Variants in KALRN observed in about 807,000 individuals in gnomAD.
The protein encoded by KALRN is kalirin.
Under a neutral mutation model 353.7 loss-of-function variants are expected in KALRN, and 70 were observed. The ratio of observed to expected loss-of-function variants is 0.20; its 90% CI spans 0.16 to 0.24. KALRN has a LOEUF of 0.24. Among genes scored for constraint, KALRN ranks in the 10% least tolerant of loss-of-function variants. The pLI is 1.00. For synonymous variants in KALRN, 1,391 were observed against 1,434.8 expected (o/e 0.97, Z 0.69); for missense variants, 2,791 against 3,756.7 (o/e 0.74, Z 6.72).
At chr3:124,283,914 A>G (rs2075587403) in intron 5 of KALRN, among the ~76,000 whole-genome samples, 1 of 152,198 alleles carries the variant, frequency 6.6e-6, no homozygotes, top group African/African-American at 2.4e-5. Context: ...TCTTGTCTGA[A>G]CCCAGAGGAA....
intron 10 of KALRN, among the ~76,000 whole-genome samples, chr3:124,350,512 C>T (rs1276906335): frequency 6.6e-6 from 1 of 152,302 alleles, no homozygotes; most frequent in East Asian, 1.9e-4. Context: ...ATTCCACAGT[C>T]ATGTTCTTAT....
At chr3:124,547,867 A>T (rs954913206) in intron 33 of KALRN, among the ~76,000 whole-genome samples, 1 of 151,358 alleles carries the variant, frequency 6.6e-6, no homozygotes, top group Non-Finnish European at 1.5e-5. Context: ...ACTACCGACC[A>T]TCTCCATAGC....
intron 25 of KALRN, among the ~76,000 whole-genome samples, chr3:124,474,441 AGAG>A (rs1180981988): frequency 3.3e-5 from 3 of 89,690 alleles, no homozygotes; most frequent in African/African-American, 2.1e-4. Flanking sequence ...GTTCACTCCG[AGAG>A]AAAGAATATT....
At chr3:124,136,858 AGTTACTTCTT>A (rs2065975792) in intron 1 of KALRN, among the ~76,000 whole-genome samples, 1 of 152,172 alleles carries the variant, frequency 6.6e-6, no homozygotes, top group Admixed American at 6.5e-5. Flanking sequence ...TGCTCTTTAA[AGTTACTTCTT>A]GTTTTCGCAC....
chr3:124,680,709 G>A (rs535988498), intron 51 of KALRN, among the ~76,000 whole-genome samples: 19 of 152,348 alleles, frequency 1.2e-4, no homozygotes, highest in African/African-American at 4.6e-4. Flanking sequence ...AGCCAACTGA[G>A]TTGAATCAGG....
intron 34 of KALRN, among the ~76,000 whole-genome samples, chr3:124,588,219 G>T (rs528999817): frequency 6.6e-6 from 1 of 152,172 alleles, no homozygotes; most frequent in Non-Finnish European, 1.5e-5. Flanking sequence ...TGTCTAAGGG[G>T]TGATAAATCA....
intron 5 of KALRN, among the ~76,000 whole-genome samples, chr3:124,288,162 A>G (rs1418554373): frequency 6.6e-6 from 1 of 152,196 alleles, no homozygotes; most frequent in Non-Finnish European, 1.5e-5. Context: ...GGTGTGAGCC[A>G]TCATGCCCAG....
chr3:124,200,802 A>G (rs2075880745), intron 1 of KALRN, among the ~76,000 whole-genome samples: 1 of 152,188 alleles, frequency 6.6e-6, no homozygotes. Context: ...ACCCTACACC[A>G]TCCCTCTTGG....
At chr3:124,536,116 C>A (rs1210327388) in intron 33 of KALRN, among the ~76,000 whole-genome samples, 4 of 152,022 alleles carry the variant, frequency 2.6e-5, no homozygotes, top group African/African-American at 9.7e-5. Context: ...CCCCCAGCCA[C>A]CCAAAATGAG....
chr3:124,212,316 TAA>T (rs879400421), intron 1 of KALRN, among the ~76,000 whole-genome samples: 1 of 145,852 alleles, frequency 6.9e-6, no homozygotes. Flanking sequence ...TTCAGAAGGT[TAA>T]AAAAAAAAAA....
chr3:124,428,711 T>C (rs575069719), intron 15 of KALRN, among the ~76,000 whole-genome samples: 1 of 152,200 alleles, frequency 6.6e-6, no homozygotes, highest in African/African-American at 2.4e-5. Flanking sequence ...TAAAAATGAA[T>C]AAGGAAATGA....
chr3:124,676,469 G>T (rs1392953796), intron 49 of KALRN, among the ~76,000 whole-genome samples: 2 of 152,116 alleles, frequency 1.3e-5, no homozygotes, highest in Non-Finnish European at 2.9e-5. Flanking sequence ...CCCTGGGCTT[G>T]CAACCAAGAG....
intron 34 of KALRN, among the ~76,000 whole-genome samples, chr3:124,618,171 C>T (rs1041534165): frequency 3.1e-5 from 4 of 130,324 alleles, no homozygotes; most frequent in Non-Finnish European, 4.6e-5. Context: ...TGCAGCGGCA[C>T]GATCTCGGCT....
In KALRN at chr3:124,334,436, C is replaced by G. The variant is rs781489605; in HGVS notation, c.1588C>G (p.Arg530Gly). The stretch of plus-strand genomic sequence containing the variant: ...ACGGCTGGAGAGCATCTGGCAGCAC[C>G]GCAAGGTGCGGCTCCACCAGCGGCT... ...QRRLESIWQH[R>G]KVRLHQRLQL... Residue 530 changes from arginine (R) to glycine (G), a missense_variant, in exon 9 of 60, where the codon CGC (arginine) becomes GGC (glycine). Physicochemically the swap from Arg to Gly is moderately radical, Grantham distance 125 (BLOSUM62 -2). This residue lies in a region of KALRN where 366 missense variants were observed against 489.2 expected (regional missense o/e 0.75). Transcript: ENST00000682506. The surrounding 1 kb of genome is among the most constrained non-coding windows in gnomAD (Gnocchi z 4.2). 1.9e-6 allele frequency: 3 copies of G among 1,614,086 alleles called. No individual in the cohort carries two copies. The South Asian group carries it at 3.3e-5, about 18-fold the overall frequency.
intron 11 of KALRN, among the ~76,000 whole-genome samples, chr3:124,387,755 G>A (rs768228410): frequency 1.3e-5 from 2 of 152,148 alleles, no homozygotes; most frequent in Admixed American, 6.5e-5. Context: ...TTATGGTTAT[G>A]AGGCTCATTC....
At chr3:124,403,047 A>G (rs1236303815) in intron 13 of KALRN, among the ~76,000 whole-genome samples, 1 of 152,238 alleles carries the variant, frequency 6.6e-6, no homozygotes, top group African/African-American at 2.4e-5. Flanking sequence ...GGACACATGA[A>G]AAAAAGCAAT....
intron 1 of KALRN, among the ~76,000 whole-genome samples, chr3:124,057,832 G>A (rs748196809): frequency 6.6e-5 from 10 of 152,180 alleles, no homozygotes; most frequent in Non-Finnish European, 1.5e-4. Flanking sequence ...CCCTAAGCCT[G>A]GGGTTTCAAC....
At chr3:124,690,597 T>C (rs1329985565) in intron 51 of KALRN, among the ~76,000 whole-genome samples, 2 of 152,230 alleles carry the variant, frequency 1.3e-5, no homozygotes, top group African/African-American at 2.4e-5. Context: ...CCCACTTTGC[T>C]GAATGCTATG....
intron 3 of KALRN, among the ~76,000 whole-genome samples, chr3:124,236,883 GA>G: frequency 6.6e-6 from 1 of 152,206 alleles, no homozygotes; most frequent in Non-Finnish European, 1.5e-5. Flanking sequence ...GCACTCCTGA[GA>G]ACTGGAAGGC....
Sources: allele counts gnomAD v4.1 joint callset (sites outside exome capture counted in the v4.1 genomes callset), GRCh38; gene constraint gnomAD v4.1.1; regional missense constraint gnomAD v4.1.1; non-coding constraint Gnocchi (gnomAD v3.1); transcripts MANE v1.5; gene names NCBI Gene and HGNC (gene_info 2026-07-23, HGNC 2026-07-21).